The following PCCA variants were observed in gnomAD, a reference collection of about 807,000 sequenced individuals.
PCCA encodes propionyl-CoA carboxylase alpha chain, mitochondrial.
A neutral mutation model predicts 101.3 loss-of-function variants in PCCA; 74 were observed. The ratio of observed to expected loss-of-function variants is 0.73; its 90% CI spans 0.61 to 0.89. The LOEUF (loss-of-function observed/expected upper bound fraction) is 0.89, where lower values mean the gene tolerates loss of function less well. PCCA is among the 40% of genes least tolerant of loss of function. The probability of loss-of-function intolerance (pLI) is 0.00; values close to 1 mark genes in which losing one functional copy is unlikely to be tolerated. For synonymous variants in PCCA, 294 were observed against 313.6 expected, an observed-to-expected ratio of 0.94 and a Z score of 0.66; for missense variants, 891 against 907.0, an observed-to-expected ratio of 0.98 and a Z score of 0.23.
rs78227467 is a variant in PCCA at position 100,315,035 on chromosome 13, G to A, written c.1429+5127G>A. 1.9e-3 allele frequency among the ~76,000 whole-genome samples: 293 copies of A among 152,222 alleles called. 6 individuals carry two copies. In the East Asian group the frequency reaches 0.054, roughly 28 times the overall value. The stretch of plus-strand genomic sequence containing the variant: ...TAGGAGATGTACACTGACATATTTA[G>A]AAGTAAAATGACATCTTGTCTGCAA... On this transcript the variant is annotated intron_variant, in intron 16 of 23. Transcript: ENST00000376285.
intron 22 of PCCA, among the ~76,000 whole-genome samples, chr13:100,524,983 G>GGATGGATGGATAGATAAA (rs1555330339): frequency 3.6e-5 from 5 of 137,274 alleles, no homozygotes; most frequent in African/African-American, 1.3e-4. Context: ...TCTCTAAGAT[G>GGATGGATGGATAGATAAA]GATAGATAGA....
At chr13:100,120,838 A>G (rs2049300441) in intron 4 of PCCA, among the ~76,000 whole-genome samples, 1 of 152,162 alleles carries the variant, frequency 6.6e-6, no homozygotes, top group Admixed American at 6.5e-5. Flanking sequence ...TAGTGCAAGA[A>G]TGTAACCAGC....
At chr13:100,530,038 C>T (rs1489124180) in intron 23 of PCCA, 60 bp from the exon 24 acceptor site, 32 of 1,315,076 alleles carry the variant, frequency 2.4e-5, no homozygotes, top group Non-Finnish European at 3.4e-5. Context: ...AGCCTGCCGC[C>T]TCTTGGTTCT....
At chr13:100,227,291 T>G (rs541816118) in intron 7 of PCCA, among the ~76,000 whole-genome samples, 19 of 152,288 alleles carry the variant, frequency 1.2e-4, no homozygotes, top group African/African-American at 4.6e-4. Flanking sequence ...CCTGAGCTCT[T>G]AACTGCAAGG....
chr13:100,398,392 A>C (rs2077158308), intron 19 of PCCA, among the ~76,000 whole-genome samples: 1 of 152,218 alleles, frequency 6.6e-6, no homozygotes, highest in Non-Finnish European at 1.5e-5. Context: ...ATAGCATTCC[A>C]GCTTGTAATT....
intron 16 of PCCA, among the ~76,000 whole-genome samples, chr13:100,325,843 T>C (rs1241933434): frequency 6.6e-6 from 1 of 152,178 alleles, no homozygotes; most frequent in Non-Finnish European, 1.5e-5. Flanking sequence ...GGCTGTCTTC[T>C]AAAGTTCTTT....
intron 12 of PCCA, among the ~76,000 whole-genome samples, chr13:100,280,304 C>CTT (rs11439835): frequency 5.9e-4 from 88 of 148,190 alleles, no homozygotes; most frequent in South Asian, 1.7e-3. Context: ...ACAACACAAG[C>CTT]TTTTTTTTTT....
intron 21 of PCCA, among the ~76,000 whole-genome samples, chr13:100,488,003 T>C (rs774276648): frequency 2.6e-5 from 4 of 152,198 alleles, no homozygotes; most frequent in African/African-American, 2.4e-5. Flanking sequence ...GTGCTGGGAT[T>C]ACAGGTATGG....
chr13:100,089,281 G>T, intron 1 of PCCA, 56 bp downstream of exon 1: 52 of 1,370,398 alleles, frequency 3.8e-5, no homozygotes, highest in Non-Finnish European at 4.7e-5. Flanking sequence ...TAGCCGTGCC[G>T]CCTCTGGGCG....
intron 11 of PCCA, among the ~76,000 whole-genome samples, chr13:100,272,994 G>A (rs1757365188): frequency 6.6e-6 from 1 of 152,056 alleles, no homozygotes; most frequent in Non-Finnish European, 1.5e-5. Context: ...CAAATCTAAA[G>A]TTGACTTATT....
chr13:100,315,005 G>C (rs1422198820), intron 16 of PCCA, among the ~76,000 whole-genome samples: 1 of 152,132 alleles, frequency 6.6e-6, no homozygotes, highest in African/African-American at 2.4e-5. Flanking sequence ...GATATACCTT[G>C]CTTTTAGGAG....
At chr13:100,381,034 A>G (rs1267365671) in intron 19 of PCCA, among the ~76,000 whole-genome samples, 1 of 152,226 alleles carries the variant, frequency 6.6e-6, no homozygotes, top group East Asian at 1.9e-4. Flanking sequence ...TCAAAACCAC[A>G]GTGAGATTGT....
chr13:100,507,461 A>G (rs868282217), intron 21 of PCCA, among the ~76,000 whole-genome samples: 1 of 152,236 alleles, frequency 6.6e-6, no homozygotes, highest in African/African-American at 2.4e-5. Flanking sequence ...CCTGCCCATC[A>G]GAGACCACCT....
At chr13:100,519,506 G>C (rs977102012) in intron 22 of PCCA, among the ~76,000 whole-genome samples, 2 of 152,222 alleles carry the variant, frequency 1.3e-5, no homozygotes, top group African/African-American at 2.4e-5. Flanking sequence ...CATCACATCG[G>C]TGGGCGTCGG....
chr13:100,475,296 C>T (rs1354276900), intron 21 of PCCA, among the ~76,000 whole-genome samples: 1 of 152,122 alleles, frequency 6.6e-6, no homozygotes, highest in Non-Finnish European at 1.5e-5. Context: ...CAAAAAGAAG[C>T]CCCCTACCCA....
intron 4 of PCCA, among the ~76,000 whole-genome samples, chr13:100,152,784 A>G (rs1399315249): frequency 6.6e-6 from 1 of 152,210 alleles, no homozygotes; most frequent in Non-Finnish European, 1.5e-5. Flanking sequence ...GTGATAACAT[A>G]GGAAAAATGT....
At chr13:100,319,548 G>A (rs529948847) in intron 16 of PCCA, among the ~76,000 whole-genome samples, 10 of 152,118 alleles carry the variant, frequency 6.6e-5, no homozygotes, top group Middle Eastern at 3.4e-3. Context: ...TCAGCTTTCT[G>A]CATATGGCTA....
intron 19 of PCCA, among the ~76,000 whole-genome samples, chr13:100,378,841 A>AT (rs1018971485): frequency 1.3e-4 from 20 of 151,328 alleles, no homozygotes; most frequent in East Asian, 3.9e-4. Flanking sequence ...TGTCTTTCTG[A>AT]TTTTTTTGTG....
chr13:100,428,171 A>G (rs1157365320), intron 20 of PCCA, among the ~76,000 whole-genome samples: 1 of 152,038 alleles, frequency 6.6e-6, no homozygotes, highest in African/African-American at 2.4e-5. Flanking sequence ...GGCTCCAGCG[A>G]TCCTCCCACC....
Sources: allele counts gnomAD v4.1 joint callset (sites outside exome capture counted in the v4.1 genomes callset), GRCh38; gene constraint gnomAD v4.1.1; transcripts MANE v1.5; gene names NCBI Gene and HGNC (gene_info 2026-07-23, HGNC 2026-07-21).